GRB10: variants seen among roughly 807,000 people sequenced by gnomAD.
The protein encoded by GRB10 is growth factor receptor bound protein 10, also known as growth factor receptor-bound protein 10.
Under a neutral mutation model 80.9 loss-of-function variants are expected in GRB10, and 20 were observed. That is an observed-to-expected ratio of 0.25 (90% CI 0.17 to 0.36). The LOEUF (loss-of-function observed/expected upper bound fraction) is 0.36, where lower values mean the gene tolerates loss of function less well. Ranked by LOEUF, GRB10 falls within the 10% of genes least tolerant of loss-of-function variation. The pLI, the probability that GRB10 is intolerant of heterozygous loss-of-function variation, is 1.00. For missense variants in GRB10, 548 were observed against 747.7 expected (o/e 0.73, Z 3.12); for synonymous variants, 291 against 291.5 (o/e 1.00, Z 0.02).
chr7:50,664,610 G>A (rs904915936), intron 7 of GRB10, among the ~76,000 whole-genome samples: 6 of 152,110 alleles, frequency 3.9e-5, no homozygotes, highest in African/African-American at 4.8e-5. Context: ...ACTGCATGGC[G>A]CTTCCTCAAC....
At chr7:50,765,658 T>TA (rs1054139601) in intron 2 of GRB10, among the ~76,000 whole-genome samples, 2 of 151,914 alleles carry the variant, frequency 1.3e-5, no homozygotes, top group African/African-American at 4.8e-5. Flanking sequence ...TATGGAGGAT[T>TA]AAAAAAAAGT....
At chr7:50,778,926 T>C (rs2077987743) in intron 2 of GRB10, among the ~76,000 whole-genome samples, 1 of 152,160 alleles carries the variant, frequency 6.6e-6, no homozygotes, top group African/African-American at 2.4e-5. Flanking sequence ...AAGTGTTCTA[T>C]CATCATAAAC....
chr7:50,599,193 G>A (rs1367888574), intron 17 of GRB10, among the ~76,000 whole-genome samples: 1 of 152,136 alleles, frequency 6.6e-6, no homozygotes, highest in African/African-American at 2.4e-5. Context: ...GGGATGGGAG[G>A]GGAGCTGCCT....
At chr7:50,641,618 T>A (rs1455463266) in intron 7 of GRB10, among the ~76,000 whole-genome samples, 4 of 152,206 alleles carry the variant, frequency 2.6e-5, no homozygotes, top group African/African-American at 9.7e-5. Context: ...CCACTCATGG[T>A]CCCTGCAGCT....
At chr7:50,777,530 A>T (rs13236566) in intron 2 of GRB10, among the ~76,000 whole-genome samples, 1 of 152,008 alleles carries the variant, frequency 6.6e-6, no homozygotes, top group African/African-American at 2.4e-5. Flanking sequence ...AGTAAATTGT[A>T]TGGTATGTGA....
intron 1 of GRB10, among the ~76,000 whole-genome samples, chr7:50,788,754 A>G (rs1241295222): frequency 6.6e-6 from 1 of 152,240 alleles, no homozygotes; most frequent in Non-Finnish European, 1.5e-5. Flanking sequence ...GCTCGGAGCC[A>G]CATCCCAGGG....
At chr7:50,767,654 G>T (rs959052551) in intron 2 of GRB10, among the ~76,000 whole-genome samples, 2 of 152,110 alleles carry the variant, frequency 1.3e-5, no homozygotes, top group East Asian at 3.9e-4. Flanking sequence ...GCCAGCAGGG[G>T]GTACATTTCA....
chr7:50,591,963 C>G lies in GRB10; in HGVS notation c.*989G>C, dbSNP rs1270624931. On this transcript the variant is annotated 3_prime_UTR_variant, in exon 19 of 19. Transcript: ENST00000401949. ...GAGGGACATCAGCCGTGAAACGACT[C>G]ACACCACTGCAGCAGCAGGGGTAAG... 6.6e-6 allele frequency: 1 copy of G among 152,274 alleles called. No individual in the cohort carries two copies. The highest frequency in any genetic ancestry group is 2.4e-5 in the African/African-American group (1 of 41,466). The allele number at this position is 152,274 out of a possible 1,614,324, so 9.4% of individuals were successfully genotyped here.
At chr7:50,772,116 G>A (rs1255249903) in intron 2 of GRB10, among the ~76,000 whole-genome samples, 1 of 152,090 alleles carries the variant, frequency 6.6e-6, no homozygotes, top group Admixed American at 6.5e-5. Flanking sequence ...ACGGCCCTAT[G>A]GTCTCAATCA....
chr7:50,705,162 C>T (rs887807070), intron 4 of GRB10: 10 of 985,542 alleles, frequency 1.0e-5, no homozygotes, highest in Non-Finnish European at 1.2e-5. Flanking sequence ...AGGTTTAGGT[C>T]TGGTCAACGC....
chr7:50,668,976 G>A (rs181782450), intron 7 of GRB10, among the ~76,000 whole-genome samples: 5 of 152,344 alleles, frequency 3.3e-5, no homozygotes, highest in South Asian at 4.1e-4. Flanking sequence ...GGGTCCAATG[G>A]AAACTCTTCT....
chr7:50,695,778 A>C (rs1415479330), intron 5 of GRB10, among the ~76,000 whole-genome samples: 1 of 152,196 alleles, frequency 6.6e-6, no homozygotes, highest in African/African-American at 2.4e-5. Flanking sequence ...TTTTAAATAA[A>C]ATGAAAAATA....
intron 8 of GRB10, among the ~76,000 whole-genome samples, chr7:50,620,992 T>C (rs1268155827): frequency 1.3e-5 from 2 of 151,952 alleles, no homozygotes; most frequent in African/African-American, 2.4e-5. Context: ...TCAGGCAAAA[T>C]AAGGAGAAAT....
intron 11 of GRB10, among the ~76,000 whole-genome samples, chr7:50,615,622 A>G (rs1410643813): frequency 1.3e-5 from 2 of 152,314 alleles, no homozygotes; most frequent in African/African-American, 2.4e-5. Flanking sequence ...TCAGATGGTA[A>G]GTGCTCAGCC....
chr7:50,763,967 G>A (rs184095340), intron 2 of GRB10, among the ~76,000 whole-genome samples: 3 of 152,332 alleles, frequency 2.0e-5, no homozygotes, highest in Admixed American at 1.3e-4. Flanking sequence ...GGCCTGACGC[G>A]TGTGGCCCCT....
chr7:50,729,760 C>A (rs6963038), intron 4 of GRB10, among the ~76,000 whole-genome samples: 1 of 144,902 alleles, frequency 6.9e-6, no homozygotes, highest in East Asian at 2.2e-4. Flanking sequence ...CCTCTCTCCC[C>A]CCGTTGTCCC....
chr7:50,773,279 A>T (rs1374913800), intron 2 of GRB10, among the ~76,000 whole-genome samples: 1 of 151,540 alleles, frequency 6.6e-6, no homozygotes, highest in African/African-American at 2.4e-5. Context: ...TCAAGATGAG[A>T]TTTGGGACAC....
intron 1 of GRB10, among the ~76,000 whole-genome samples, chr7:50,792,244 C>A (rs1252342308): frequency 6.6e-6 from 1 of 151,942 alleles, no homozygotes; most frequent in Admixed American, 6.6e-5. Context: ...TCCCCCCTCC[C>A]CCCCATCTCT....
intron 5 of GRB10, among the ~76,000 whole-genome samples, chr7:50,696,072 C>T (rs1018302016): frequency 2.0e-5 from 3 of 152,168 alleles, no homozygotes; most frequent in African/African-American, 7.2e-5. Flanking sequence ...AGTCTATCAT[C>T]AGTGTATGTA....
Sources: allele counts gnomAD v4.1 joint callset (sites outside exome capture counted in the v4.1 genomes callset), GRCh38; gene constraint gnomAD v4.1.1; transcripts MANE v1.5; gene names NCBI Gene and HGNC (gene_info 2026-07-23, HGNC 2026-07-21).